The following EPHA6 variants were observed in gnomAD, a reference collection of about 807,000 sequenced individuals.
EPHA6 encodes ephrin type-A receptor 6.
A neutral mutation model predicts 112.0 loss-of-function variants in EPHA6; 50 were observed. The observed-to-expected ratio is 0.45, with a 90% CI of 0.36 to 0.56. The LOEUF is 0.56. Ranked by LOEUF, EPHA6 falls within the 20% of genes least tolerant of loss-of-function variation. EPHA6 has a pLI of 0.00. For synonymous variants in EPHA6, 529 were observed against 490.7 expected (o/e 1.08, Z -1.03); for missense variants, 1,280 against 1,417.4 (o/e 0.90, Z 1.56).
chr3:96,941,008 C>CT (rs1319737938), intron 2 of EPHA6, among the ~76,000 whole-genome samples: 2 of 152,152 alleles, frequency 1.3e-5, no homozygotes. Context: ...GTAACCCGAC[C>CT]TTTCTCTCTG....
Position 97,080,848 on chromosome 3 carries a change from A to AATAT in EPHA6, c.1114+92859_1114+92862dup, listed in dbSNP as rs545408592. Among the ~76,000 whole-genome samples, 520 of 152,084 alleles carry AATAT rather than the reference A, an allele frequency of 3.4e-3. 2 individuals carry two copies. Among genetic ancestry groups the AATAT allele is most frequent in the African/African-American group, 0.012 (500 of 41,534 alleles). On this transcript the variant is annotated intron_variant, in intron 3 of 17. Transcript: ENST00000389672. ...ACATCACATATTTCAATTTTTTTGG[A>AATAT]ATATATAGGCTTGATTTGAGCATTT...
At chr3:97,648,451 T>C in intron 14 of EPHA6, 3 of 1,319,428 alleles carry the variant, frequency 2.3e-6, no homozygotes, top group East Asian at 2.9e-5. Context: ...TATTTTAAAG[T>C]TGGGAGAGAT....
At chr3:97,189,018 A>T (rs931839691) in intron 3 of EPHA6, among the ~76,000 whole-genome samples, 55 of 152,028 alleles carry the variant, frequency 3.6e-4, no homozygotes, top group African/African-American at 1.3e-3. Context: ...TACGATAAAA[A>T]TTGAAAGAGT....
chr3:97,050,878 T>A (rs2108084492), intron 3 of EPHA6, among the ~76,000 whole-genome samples: 1 of 152,310 alleles, frequency 6.6e-6, no homozygotes, highest in Middle Eastern at 3.4e-3. Context: ...TATTTAGGAA[T>A]AAAGTAGAGA....
intron 5 of EPHA6, among the ~76,000 whole-genome samples, chr3:97,363,153 A>C (rs2084468685): frequency 8.4e-6 from 1 of 118,994 alleles, no homozygotes; most frequent in African/African-American, 3.5e-5. Flanking sequence ...AGCCATAATT[A>C]TGCCACATTG....
chr3:97,268,109 A>C (rs1247727562), intron 5 of EPHA6, among the ~76,000 whole-genome samples: 2 of 152,138 alleles, frequency 1.3e-5, no homozygotes, highest in Non-Finnish European at 2.9e-5. Context: ...CTGATTGCAA[A>C]GATGCCAGCT....
chr3:97,047,767 A>G (rs2045561316), intron 3 of EPHA6, among the ~76,000 whole-genome samples: 2 of 152,136 alleles, frequency 1.3e-5, no homozygotes, highest in Admixed American at 1.3e-4. Flanking sequence ...TTGGAATGAA[A>G]GAAGCAATGA....
chr3:97,398,444 T>A (rs907483391), intron 5 of EPHA6, among the ~76,000 whole-genome samples: 4 of 151,538 alleles, frequency 2.6e-5, no homozygotes, highest in Admixed American at 2.6e-4. Flanking sequence ...TTATTAATGG[T>A]GGTTTATTAA....
At chr3:97,493,011 C>G (rs971806227) in intron 10 of EPHA6, among the ~76,000 whole-genome samples, 2 of 148,764 alleles carry the variant, frequency 1.3e-5, no homozygotes, top group Non-Finnish European at 3.0e-5. Context: ...GTAACTCTAG[C>G]CCTGCTTTTT....
intron 3 of EPHA6, among the ~76,000 whole-genome samples, chr3:97,027,913 T>G (rs1352864382): frequency 6.6e-6 from 1 of 152,168 alleles, no homozygotes; most frequent in Non-Finnish European, 1.5e-5. Context: ...ATTTTCTTCC[T>G]TCAGACTTAC....
At chr3:97,077,945 T>C (rs2046589550) in intron 3 of EPHA6, among the ~76,000 whole-genome samples, 1 of 152,218 alleles carries the variant, frequency 6.6e-6, no homozygotes, top group South Asian at 2.1e-4. Context: ...TATTTCTACC[T>C]CTAGATCCTT....
intron 5 of EPHA6, among the ~76,000 whole-genome samples, chr3:97,307,097 C>T (rs2081352560): frequency 6.6e-6 from 1 of 151,796 alleles, no homozygotes; most frequent in African/African-American, 2.4e-5. Context: ...AACTCTTTCT[C>T]TGCATATTCC....
At chr3:97,043,778 T>G (rs748845745) in intron 3 of EPHA6, among the ~76,000 whole-genome samples, 10 of 152,142 alleles carry the variant, frequency 6.6e-5, no homozygotes, top group Non-Finnish European at 1.5e-4. Context: ...TTTCCCAGTC[T>G]TTTGAATATA....
intron 3 of EPHA6, among the ~76,000 whole-genome samples, chr3:97,106,306 C>A (rs2047565972): frequency 6.6e-6 from 1 of 151,960 alleles, no homozygotes; most frequent in South Asian, 2.1e-4. Flanking sequence ...CAAACTCAGA[C>A]TGATTCAACT....
At chr3:97,344,771 A>T (rs1199982090) in intron 5 of EPHA6, among the ~76,000 whole-genome samples, 1 of 152,130 alleles carries the variant, frequency 6.6e-6, no homozygotes, top group Non-Finnish European at 1.5e-5. Context: ...CTCCTTATGG[A>T]TTTAATTTGC....
In EPHA6 at chr3:96,863,493, G is replaced by A. The variant is rs1001672835; in HGVS notation, c.386-3332G>A. The stretch of plus-strand genomic sequence containing the variant: ...GAAATATAATTCACCTGTCTGAAAT[G>A]CAAATTTGGAATCTTATTTTTTTAA... On this transcript the variant is annotated intron_variant, in intron 1 of 17. Transcript: ENST00000389672. 5.3e-5 allele frequency among the ~76,000 whole-genome samples: 8 copies of A among 151,952 alleles called. No homozygotes were observed. The East Asian group carries it at 1.4e-3, about 26-fold the overall frequency.
chr3:97,621,462 A>G (rs1036451322), intron 13 of EPHA6, among the ~76,000 whole-genome samples: 2 of 151,958 alleles, frequency 1.3e-5, no homozygotes, highest in Non-Finnish European at 2.9e-5. Flanking sequence ...AAATGTCCAG[A>G]CAGCAATTTA....
In EPHA6 at chr3:97,576,815, CA is replaced by C. The variant is rs375141359; in HGVS notation, c.2387-15788del. On this transcript the variant is annotated intron_variant, in intron 11 of 17. Transcript: ENST00000389672. ...TTACATAATGGTAGAATGTATAAGA[CA>C]AAAAAAAATGAACTCAGTCACTCAT... Among the ~76,000 whole-genome samples, 361 of 149,508 alleles carry C rather than the reference CA, an allele frequency of 2.4e-3. 8 individuals are homozygous for C. Among genetic ancestry groups the C allele is most frequent in the Admixed American group, 0.022 (327 of 15,056 alleles).
intron 3 of EPHA6, 59 bp downstream of exon 3, chr3:96,988,052 ATT>A: frequency 7.6e-7 from 1 of 1,321,046 alleles, no homozygotes; most frequent in Non-Finnish European, 1.0e-6. Flanking sequence ...AAAAAGTTTT[ATT>A]TTTTAAATTA....
Sources: allele counts gnomAD v4.1 joint callset (sites outside exome capture counted in the v4.1 genomes callset), GRCh38; gene constraint gnomAD v4.1.1; transcripts MANE v1.5; gene names NCBI Gene and HGNC (gene_info 2026-07-23, HGNC 2026-07-21).